Variants in KCNH7 observed in about 807,000 individuals in gnomAD.
KCNH7 encodes the protein potassium voltage-gated channel subfamily H member 7.
In KCNH7, 49 loss-of-function variants were observed where a neutral mutation model predicts 120.8. The observed-to-expected ratio is 0.41, with a 90% CI of 0.32 to 0.51. KCNH7 has a LOEUF of 0.51. Among genes scored for constraint, KCNH7 ranks in the 20% least tolerant of loss-of-function variants. The pLI, the probability that KCNH7 is intolerant of heterozygous loss-of-function variation, is 0.38. For synonymous variants in KCNH7, 547 were observed against 516.1 expected, an observed-to-expected ratio of 1.06 and a Z score of -0.81; for missense variants, 1,097 against 1,446.6, an observed-to-expected ratio of 0.76 and a Z score of 3.92.
chr2:162,772,923 A>C (rs937103967), intron 2 of KCNH7, among the ~76,000 whole-genome samples: 1 of 152,174 alleles, frequency 6.6e-6, no homozygotes, highest in Non-Finnish European at 1.5e-5. Context: ...TTTTTCCGTA[A>C]AAAGGAAAAA....
At chr2:162,491,910 G>T (rs931147915) in intron 6 of KCNH7, among the ~76,000 whole-genome samples, 1 of 152,134 alleles carries the variant, frequency 6.6e-6, no homozygotes, top group Non-Finnish European at 1.5e-5. Flanking sequence ...CTCGAACTCT[G>T]TCTTCTCTTC....
chr2:162,559,460 A>G (rs1692985143), intron 2 of KCNH7, among the ~76,000 whole-genome samples: 1 of 152,196 alleles, frequency 6.6e-6, no homozygotes, highest in African/African-American at 2.4e-5. Flanking sequence ...TCTACTATTA[A>G]TCCTAGTACC....
intron 2 of KCNH7, among the ~76,000 whole-genome samples, chr2:162,813,177 A>C (rs891616275): frequency 1.3e-5 from 2 of 152,170 alleles, no homozygotes; most frequent in African/African-American, 2.4e-5. Flanking sequence ...GCTAAGTCAG[A>C]AAATGTGTGT....
rs563145700 is a variant in KCNH7, at chr2:162,787,018, C to G, written c.307+49519G>C. Among the ~76,000 whole-genome samples the G allele has an allele frequency of 6.6e-5, 10 of 152,302 alleles. 1 individual carries two copies. In the South Asian group the frequency reaches 1.7e-3, roughly 25 times the overall value. On this transcript the variant is annotated intron_variant, in intron 2 of 15. Coordinates refer to ENST00000332142, the MANE Select transcript of KCNH7 (RefSeq NM_033272.4). ...TGCAGCACAACATGGAGAATGATACCTTTAGCATGTGGGGAGAAGAATGGA... is the reference window on the plus strand; with the variant it reads ...TGCAGCACAACATGGAGAATGATACGTTTAGCATGTGGGGAGAAGAATGGA...
At chr2:162,594,176 C>T (rs757547325) in intron 2 of KCNH7, among the ~76,000 whole-genome samples, 17 of 151,984 alleles carry the variant, frequency 1.1e-4, no homozygotes, top group Non-Finnish European at 1.9e-4. Flanking sequence ...TCCTTTCAAG[C>T]GTCTTTAAAA....
rs1686364509 is a variant in KCNH7, at chr2:162,380,164, G to C, written c.2963-143C>G. The C allele has an allele frequency of 3.2e-6, 3 of 925,592 alleles. No individual in the cohort carries two copies. In the Admixed American group the frequency reaches 8.0e-5, roughly 25 times the overall value. 57.3% of individuals were successfully genotyped at this position (925,592 alleles called of 1,614,324 possible). On this transcript the variant is annotated intron_variant, in intron 13 of 15. Coordinates refer to ENST00000332142, the MANE Select transcript of KCNH7 (RefSeq NM_033272.4). Reference sequence around the variant, plus strand: ...CCAAAAGTATTCAGTGATGTGTCCAGGGGCCACGGCCAGTTGGTAGCAGAG... The same window carrying C: ...CCAAAAGTATTCAGTGATGTGTCCACGGGCCACGGCCAGTTGGTAGCAGAG...
intron 2 of KCNH7, among the ~76,000 whole-genome samples, chr2:162,690,007 A>T (rs1418160332): frequency 6.6e-6 from 1 of 152,228 alleles, no homozygotes; most frequent in East Asian, 1.9e-4. Flanking sequence ...GACTGGATAA[A>T]GAAAATGTGG....
intron 2 of KCNH7, among the ~76,000 whole-genome samples, chr2:162,622,517 G>A (rs1183599688): frequency 6.6e-6 from 1 of 152,132 alleles, no homozygotes; most frequent in African/African-American, 2.4e-5. Context: ...TTATAGTTAA[G>A]TAGCCACATG....
chr2:162,771,538 C>T (rs1185663679), intron 2 of KCNH7, among the ~76,000 whole-genome samples: 1 of 152,034 alleles, frequency 6.6e-6, no homozygotes, highest in Non-Finnish European at 1.5e-5. Context: ...TATTTGTATA[C>T]ATTTTTATTG....
At chr2:162,723,225 T>C (rs955228501) in intron 2 of KCNH7, among the ~76,000 whole-genome samples, 3 of 152,032 alleles carry the variant, frequency 2.0e-5, no homozygotes, top group Admixed American at 6.6e-5. Flanking sequence ...ACATGCATAT[T>C]AGTAAAAAAA....
At chr2:162,429,405 T>TTTTTTTTTTTTTTTTTTTTTTTTTTC (rs1687989714) in intron 8 of KCNH7, among the ~76,000 whole-genome samples, 1 of 137,168 alleles carries the variant, frequency 7.3e-6, no homozygotes, top group Admixed American at 7.3e-5. Context: ...TTTTTTTTTT[T>TTTTTTTTTTTTTTTTTTTTTTTTTTC]ACTCACACAT....
At chr2:162,376,694 A>T (rs1686204352) in intron 14 of KCNH7, among the ~76,000 whole-genome samples, 1 of 152,006 alleles carries the variant, frequency 6.6e-6, no homozygotes, top group Non-Finnish European at 1.5e-5. Context: ...AACACTGGAC[A>T]TTACTGGGAG....
chr2:162,820,135 G>T (rs747280450), intron 2 of KCNH7, among the ~76,000 whole-genome samples: 19 of 146,386 alleles, frequency 1.3e-4, no homozygotes, highest in Non-Finnish European at 2.1e-4. Context: ...CGCCTCCTGG[G>T]TTCACGCCAT....
At chr2:162,504,763 G>A in intron 5 of KCNH7, 106 bp from the exon 6 acceptor site, 4 of 719,408 alleles carry the variant, frequency 5.6e-6, no homozygotes, top group Non-Finnish European at 9.4e-6. Flanking sequence ...ATCCTGATTT[G>A]AGTGTGACTG....
intron 6 of KCNH7, among the ~76,000 whole-genome samples, chr2:162,480,446 T>C (rs975193658): frequency 7.9e-5 from 12 of 152,182 alleles, no homozygotes; most frequent in Admixed American, 4.6e-4. Context: ...CCAGAGAGCC[T>C]GAATCTAAAG....
intron 14 of KCNH7, among the ~76,000 whole-genome samples, chr2:162,374,147 A>G (rs1217838449): frequency 6.6e-6 from 1 of 152,126 alleles, no homozygotes; most frequent in Non-Finnish European, 1.5e-5. Flanking sequence ...CCTCTGTCCT[A>G]TTCATATTAA....
chr2:162,564,642 GC>G lies in KCNH7; in HGVS notation c.308-27563del, dbSNP rs1693189712. 1.3e-5 allele frequency among the ~76,000 whole-genome samples: 2 copies of G among 152,092 alleles called. 1 individual carries two copies. Among genetic ancestry groups the G allele is most frequent in the Admixed American group, 1.3e-4 (2 of 15,258 alleles). ...TTTCCCACATTGCAGAACATTTTAT[GC>G]ATGACCTTGACCACTAATTCTTTGT... is the stretch of plus-strand genomic sequence containing the variant. On this transcript the variant is annotated intron_variant, in intron 2 of 15. Coordinates refer to ENST00000332142, the MANE Select transcript of KCNH7 (RefSeq NM_033272.4).
intron 4 of KCNH7, among the ~76,000 whole-genome samples, chr2:162,513,331 T>TTCCTTCCTTCCC (rs1691157971): frequency 1.5e-5 from 2 of 133,714 alleles, no homozygotes; most frequent in Non-Finnish European, 3.3e-5. Context: ...CCTTCCTTCT[T>TTCCTTCCTTCCC]TCCTTCCTTC....
chr2:162,431,289 T>C (rs1688057672), intron 8 of KCNH7, among the ~76,000 whole-genome samples: 1 of 152,022 alleles, frequency 6.6e-6, no homozygotes, highest in Non-Finnish European at 1.5e-5. Context: ...ACCACAATAG[T>C]TGTAATTAGC....
Sources: allele counts gnomAD v4.1 joint callset (sites outside exome capture counted in the v4.1 genomes callset), GRCh38; gene constraint gnomAD v4.1.1; transcripts MANE v1.5; gene names NCBI Gene and HGNC (gene_info 2026-07-23, HGNC 2026-07-21).